CDH2: variants seen among roughly 807,000 people sequenced by gnomAD.
The protein encoded by CDH2 is cadherin 2.
In CDH2, 17 loss-of-function variants were observed where a neutral mutation model predicts 92.0. The observed-to-expected ratio is 0.18, with a 90% CI of 0.13 to 0.28. The LOEUF is 0.28. Among genes scored for constraint, CDH2 ranks in the 10% least tolerant of loss-of-function variants. CDH2 has a pLI of 1.00. For synonymous variants in CDH2, 419 were observed against 415.9 expected (o/e 1.01, Z -0.09); for missense variants, 862 against 1,133.1 (o/e 0.76, Z 3.44).
rs757634362 is a variant in CDH2 at position 28,088,068 on chromosome 18, ATAT to A, written c.172+59602_172+59604del. ...TCAGTAACTAGGCTGCTTGGTGAAA[ATAT>A]TAAACCAGACAGTAAGTCAGAGAAA... is the stretch of plus-strand genomic sequence containing the variant. On this transcript the variant is annotated intron_variant, in intron 2 of 15. Transcript: ENST00000269141. 5.9e-5 allele frequency among the ~76,000 whole-genome samples: 9 copies of A among 152,198 alleles called. 1 individual carries two copies. The highest frequency in any genetic ancestry group is 1.2e-4 in the Non-Finnish European group (8 of 68,036).
At chr18:28,103,941 T>C (rs569925756) in intron 2 of CDH2, among the ~76,000 whole-genome samples, 12 of 152,162 alleles carry the variant, frequency 7.9e-5, no homozygotes, top group East Asian at 5.8e-4. Flanking sequence ...GGTTCTACAA[T>C]AGAAAAATGG....
intron 6 of CDH2, among the ~76,000 whole-genome samples, chr18:27,936,075 ACTT>A (rs1413226423): frequency 1.3e-5 from 2 of 152,276 alleles, no homozygotes; most frequent in African/African-American, 4.8e-5. Context: ...TTTTCATTTC[ACTT>A]CTTCTTGACA....
chr18:27,954,436 T>G (rs1428662020), intron 15 of CDH2: 1 of 152,214 alleles, frequency 6.6e-6, no homozygotes, highest in Non-Finnish European at 1.5e-5. Context: ...GCAATGTAAG[T>G]AGCTGTGAAA....
intron 2 of CDH2, among the ~76,000 whole-genome samples, chr18:28,025,202 C>T (rs531926880): frequency 7.9e-5 from 12 of 152,112 alleles, no homozygotes; most frequent in South Asian, 2.1e-4. Flanking sequence ...TGGGTCTACA[C>T]AAGTCTTATT....
chr18:28,044,630 T>C (rs554623220), intron 2 of CDH2, among the ~76,000 whole-genome samples: 1 of 152,316 alleles, frequency 6.6e-6, no homozygotes, highest in East Asian at 1.9e-4. Flanking sequence ...CTTCCCATTC[T>C]AAAACACTAT....
chr18:28,010,381 C>T (rs186974935), intron 4 of CDH2, among the ~76,000 whole-genome samples: 1 of 152,240 alleles, frequency 6.6e-6, no homozygotes, highest in African/African-American at 2.4e-5. Context: ...CTGTTCATTG[C>T]GCACCAAAGC....
intron 2 of CDH2, among the ~76,000 whole-genome samples, chr18:28,117,478 C>T (rs2015514424): frequency 1.3e-5 from 2 of 152,032 alleles, no homozygotes; most frequent in African/African-American, 2.4e-5. Flanking sequence ...AGTGCTCCTA[C>T]AATACAGTAG....
chr18:28,174,634 A>G (rs1483506087), intron 1 of CDH2, among the ~76,000 whole-genome samples: 1 of 152,332 alleles, frequency 6.6e-6, no homozygotes, highest in South Asian at 2.1e-4. Context: ...CTTATAAACG[A>G]TATTTTTAGA....
intron 14 of CDH2, among the ~76,000 whole-genome samples, chr18:27,965,842 G>A (rs1298739798): frequency 6.6e-6 from 1 of 151,832 alleles, no homozygotes; most frequent in African/African-American, 2.4e-5. Flanking sequence ...AAATCAGCCG[G>A]ATGTGGTGGT....
intron 14 of CDH2, among the ~76,000 whole-genome samples, chr18:27,965,638 C>A (rs994714129): frequency 1.3e-5 from 2 of 152,092 alleles, no homozygotes; most frequent in Admixed American, 1.3e-4. Flanking sequence ...GAGTTATTTA[C>A]GGAATATCTC....
At chr18:27,933,167 CT>C (rs986796967) in intron 6 of CDH2, among the ~76,000 whole-genome samples, 15 of 152,044 alleles carry the variant, frequency 9.9e-5, no homozygotes, top group African/African-American at 3.4e-4. Context: ...AGTCTTATCT[CT>C]TTTTTGGATT....
chr18:27,948,853 A>T (rs916327582), downstream of CDH2, among the ~76,000 whole-genome samples: 1 of 151,918 alleles, frequency 6.6e-6, no homozygotes, highest in Non-Finnish European at 1.5e-5. Flanking sequence ...TTTTTAGAGA[A>T]ATTTGGCAAC....
intron 2 of CDH2, among the ~76,000 whole-genome samples, chr18:28,067,677 C>G (rs1190525449): frequency 1.3e-5 from 2 of 152,050 alleles, no homozygotes; most frequent in Non-Finnish European, 2.9e-5. Context: ...TTTTTTTAAA[C>G]AGTATCTCTT....
intron 15 of CDH2, among the ~76,000 whole-genome samples, chr18:27,961,244 A>T (rs2011395623): frequency 6.6e-6 from 1 of 151,360 alleles, no homozygotes; most frequent in South Asian, 2.1e-4. Flanking sequence ...CCTGAAAATG[A>T]CAAAAATCTA....
chr18:28,027,841 G>GT (rs1177945557), intron 2 of CDH2, among the ~76,000 whole-genome samples: 5 of 116,980 alleles, frequency 4.3e-5, no homozygotes, highest in African/African-American at 1.7e-4. Flanking sequence ...AGGCAGTTTT[G>GT]TTTTGTTTTT....
chr18:28,076,855 T>G (rs1332781470), intron 2 of CDH2, among the ~76,000 whole-genome samples: 4 of 151,986 alleles, frequency 2.6e-5, no homozygotes, highest in Non-Finnish European at 4.4e-5. Flanking sequence ...CTCACAAAAT[T>G]ATAACCAAAT....
chr18:28,161,626 T>G (rs1284697947), intron 1 of CDH2, among the ~76,000 whole-genome samples: 1 of 148,468 alleles, frequency 6.7e-6, no homozygotes, highest in African/African-American at 2.5e-5. Flanking sequence ...CTTCCAAGAC[T>G]TCAAGAAGTT....
chr18:28,053,620 C>T (rs1365378501), intron 2 of CDH2, among the ~76,000 whole-genome samples: 1 of 152,204 alleles, frequency 6.6e-6, no homozygotes, highest in Non-Finnish European at 1.5e-5. Flanking sequence ...TCCTATACCT[C>T]ACTTCTGTTT....
At chr18:28,051,408 T>C (rs1275212364) in intron 2 of CDH2, among the ~76,000 whole-genome samples, 3 of 152,126 alleles carry the variant, frequency 2.0e-5, no homozygotes, top group Non-Finnish European at 4.4e-5. Flanking sequence ...AATAGGATGG[T>C]GTTATCTCTA....
Sources: allele counts gnomAD v4.1 joint callset (sites outside exome capture counted in the v4.1 genomes callset), GRCh38; gene constraint gnomAD v4.1.1; transcripts MANE v1.5; gene names NCBI Gene and HGNC (gene_info 2026-07-23, HGNC 2026-07-21).